The following DPCD variants were observed in gnomAD, a reference collection of about 807,000 sequenced individuals.
DPCD encodes protein DPCD.
In DPCD, 20 loss-of-function variants were observed where a neutral mutation model predicts 26.4. The observed-to-expected ratio is 0.76, with a 90% confidence interval of 0.53 to 1.10. The LOEUF (loss-of-function observed/expected upper bound fraction) is 1.10, where lower values mean the gene tolerates loss of function less well. DPCD is among the 50% of genes least tolerant of loss of function. The pLI, the probability that DPCD is intolerant of heterozygous loss-of-function variation, is 0.00. For missense variants in DPCD, 202 were observed against 253.9 expected (o/e 0.80, Z 1.39); for synonymous variants, 97 against 94.2 (o/e 1.03, Z -0.17).
chr10:101,593,335 C>T lies in DPCD; in HGVS notation c.65-1323C>T, dbSNP rs139586092. Among the ~76,000 whole-genome samples the T allele has an allele frequency of 3.4e-3, 516 of 152,248 alleles. 3 individuals carry two copies. The highest frequency in any genetic ancestry group is 9.2e-3 in the Admixed American group (140 of 15,290). ...TTTAGGGGTGAGTTTATGCAGAATA[C>T]AGATTAGGAATGGCTCAAGGGAACT... On this transcript the variant is annotated intron_variant, in intron 1 of 5. Transcript: ENST00000370151.
chr10:101,600,694 T>G lies in DPCD; in HGVS notation c.146-44T>G, dbSNP rs751048649. On this transcript the variant is annotated intron_variant, in intron 2 of 5. Coordinates refer to ENST00000370151, the MANE Select transcript of DPCD (RefSeq NM_015448.3). The surrounding 1 kb of genome is among the most constrained non-coding windows in gnomAD (Gnocchi z 4.7). ...AGCAGAGACCCTCTCTTCACTCTCA[T>G]CCTGATGCTTGCTTCTCATCCCGAT... 6.2e-6 allele frequency: 10 copies of G among 1,600,802 alleles called. No individual in the cohort carries two copies. Among genetic ancestry groups the G allele is most frequent in the Non-Finnish European group, 8.5e-6 (10 of 1,173,982 alleles).
intron 1 of DPCD, among the ~76,000 whole-genome samples, chr10:101,590,917 G>A (rs139427119): frequency 0.01 from 1,536 of 152,210 alleles, 16 homozygotes; most frequent in Non-Finnish European, 0.017. Flanking sequence ...TTAGTGTAAC[G>A]CTTCAAGGTT....
intron 1 of DPCD, among the ~76,000 whole-genome samples, chr10:101,592,866 T>C (rs1208658157): frequency 6.6e-6 from 1 of 151,322 alleles, no homozygotes; most frequent in Non-Finnish European, 1.5e-5. Context: ...ATACAAAAAT[T>C]AGCTGGGTGT....
chr10:101,601,296 C>A lies in DPCD; in HGVS notation c.364C>A (p.Gln122Lys), dbSNP rs1387806366. 2 of 1,613,724 alleles carry A rather than the reference C, an allele frequency of 1.2e-6. No homozygotes were observed. The highest frequency in any genetic ancestry group is 1.7e-6 in the Non-Finnish European group (2 of 1,179,880). ...GGATGTCTATAGTGTCTCTGTGGAC[C>A]AGAAGGAGCGCTGCATCATTGTCAG... ...PKDVYSVSVD[Q>K]KERCIIVRTT... is the part of the protein sequence containing the mutation. Residue 122 changes from glutamine (Q) to lysine (K), a missense_variant, in exon 4 of 6, where the codon CAG (glutamine) becomes AAG (lysine). Physicochemically the swap from Gln to Lys is moderately conservative, Grantham distance 53. Transcript: ENST00000370151.
chr10:101,592,619 T>C (rs2063618750), intron 1 of DPCD, among the ~76,000 whole-genome samples: 1 of 150,222 alleles, frequency 6.7e-6, no homozygotes, highest in African/African-American at 2.5e-5. Flanking sequence ...TACTCGGGAG[T>C]CTGAGGTGGA....
chr10:101,595,496 TCA>T (rs1210307017), intron 2 of DPCD, among the ~76,000 whole-genome samples: 1 of 152,220 alleles, frequency 6.6e-6, no homozygotes, highest in Non-Finnish European at 1.5e-5. Flanking sequence ...AATGATGGAA[TCA>T]CAGGCTGGTT....
rs753242714 is a variant in DPCD at position 101,603,756 on chromosome 10, C to CAAA, written c.404+2431_404+2433dup. ...TGGGTGACAGAGTGAGACTCCATCTCAAAAAAAAAAAAAGAGATGGAGTCT... is the reference window on the plus strand; with the variant it reads ...TGGGTGACAGAGTGAGACTCCATCTCAAAAAAAAAAAAAAAAGAGATGGAGTCT... On this transcript the variant is annotated intron_variant, in intron 4 of 5. Coordinates refer to ENST00000370151, the MANE Select transcript of DPCD (RefSeq NM_015448.3). The surrounding 1 kb of genome is among the most constrained non-coding windows in gnomAD (Gnocchi z 4.6). 2.3e-5 allele frequency among the ~76,000 whole-genome samples: 3 copies of CAAA among 131,864 alleles called. No homozygotes were observed. Among genetic ancestry groups the CAAA allele is most frequent in the African/African-American group, 8.4e-5 (3 of 35,874 alleles). The allele number at this position is 131,864 out of a possible 152,430, so 86.5% of individuals were successfully genotyped here. A position where few individuals can be genotyped will look rare whatever the true frequency, so the allele number is the denominator to read the frequency against.
chr10:101,591,278 A>ACT (rs1459403678), intron 1 of DPCD, among the ~76,000 whole-genome samples: 8 of 152,248 alleles, frequency 5.3e-5, no homozygotes, highest in Non-Finnish European at 1.0e-4. Context: ...GCTGCTCTGA[A>ACT]CATGAGTATA....
At chr10:101,601,009 A>AG in intron 3 of DPCD, 147 bp downstream of exon 3, 1 of 1,483,258 alleles carries the variant, frequency 6.7e-7, no homozygotes, top group Non-Finnish European at 9.1e-7. Context: ...TGTTTGTTTG[A>AG]ATGAATACAG....
At chr10:101,595,722 T>A (rs2063646840) in intron 2 of DPCD, among the ~76,000 whole-genome samples, 1 of 152,198 alleles carries the variant, frequency 6.6e-6, no homozygotes, top group Non-Finnish European at 1.5e-5. Flanking sequence ...GATCCCTCCT[T>A]ATTATGAGCT....
intron 1 of DPCD, 79 bp downstream of exon 1, chr10:101,588,479 G>T: frequency 6.5e-7 from 1 of 1,537,052 alleles, no homozygotes. Flanking sequence ...CAGGGCCTGG[G>T]TCGGCAGAGC....
chr10:101,598,610 T>G (rs1388021828), intron 2 of DPCD, among the ~76,000 whole-genome samples: 2 of 134,546 alleles, frequency 1.5e-5, no homozygotes, highest in African/African-American at 2.8e-5. Flanking sequence ...GTAGATGCTT[T>G]CTTTTTTTTT....
At chr10:101,605,618 T>C (rs2063728645) in intron 4 of DPCD, among the ~76,000 whole-genome samples, 1 of 152,158 alleles carries the variant, frequency 6.6e-6, no homozygotes, top group Non-Finnish European at 1.5e-5. Context: ...ACTTTTGACA[T>C]TCAGAAAGGA....
intron 2 of DPCD, among the ~76,000 whole-genome samples, chr10:101,598,823 C>T (rs2063672579): frequency 6.6e-6 from 1 of 152,046 alleles, no homozygotes; most frequent in African/African-American, 2.4e-5. Context: ...GGGGTTTCTC[C>T]ATGTTGGCCA....
Position 101,600,695 on chromosome 10 carries a change from C to A in DPCD, c.146-43C>A. 6.2e-7 allele frequency: 1 copy of A among 1,600,702 alleles called. No individual in the cohort carries two copies. Among genetic ancestry groups the A allele is most frequent in the African/African-American group, 1.3e-5 (1 of 74,258 alleles). ...GCAGAGACCCTCTCTTCACTCTCAT[C>A]CTGATGCTTGCTTCTCATCCCGATG... On this transcript the variant is annotated intron_variant, in intron 2 of 5. Coordinates refer to ENST00000370151, the MANE Select transcript of DPCD (RefSeq NM_015448.3). This position sits in a 1 kb window ranked among gnomAD's most constrained non-coding sequence, Gnocchi z 4.7.
In DPCD at chr10:101,601,068, T is replaced by C. The variant is rs2063693740; in HGVS notation, c.271-135T>C. 2.7e-6 allele frequency: 4 copies of C among 1,477,584 alleles called. No individual in the cohort carries two copies. In the South Asian group the frequency reaches 5.1e-5, roughly 19 times the overall value. 91.5% of individuals were successfully genotyped at this position (1,477,584 alleles called of 1,614,324 possible). A position where few individuals can be genotyped will look rare whatever the true frequency, so the allele number is the denominator to read the frequency against. On this transcript the variant is annotated intron_variant, in intron 3 of 5. Coordinates refer to ENST00000370151, the MANE Select transcript of DPCD (RefSeq NM_015448.3). Reference sequence around the variant, plus strand: ...GGCGGGGGCTCAGGGCCTGGAGTGCTGTAGCAATAGCAGCGTCAGAGGGGA... The same window carrying C: ...GGCGGGGGCTCAGGGCCTGGAGTGCCGTAGCAATAGCAGCGTCAGAGGGGA...
At chr10:101,594,818 C>A (rs2063638809) in intron 2 of DPCD, 80 bp downstream of exon 2, 1 of 1,360,548 alleles carries the variant, frequency 7.3e-7, no homozygotes, top group Non-Finnish European at 1.0e-6. Flanking sequence ...TAGCCTTAGG[C>A]TTGAGGTAGG....
intron 1 of DPCD, among the ~76,000 whole-genome samples, chr10:101,590,114 G>C (rs1203188354): frequency 1.3e-5 from 2 of 151,904 alleles, no homozygotes; most frequent in Non-Finnish European, 2.9e-5. Flanking sequence ...TGAAGAAGAG[G>C]GGATAGCTAT....
intron 1 of DPCD, among the ~76,000 whole-genome samples, chr10:101,593,557 A>G (rs572293616): frequency 6.6e-6 from 1 of 152,278 alleles, no homozygotes; most frequent in South Asian, 2.1e-4. Context: ...CTCCAGGGGT[A>G]GAGGAATTGG....
Sources: gnomAD v4.1 joint callset for allele counts (sites outside exome capture counted in the v4.1 genomes callset) on GRCh38, gnomAD v4.1.1 for gene constraint, Gnocchi (gnomAD v3.1) non-coding constraint, MANE v1.5 for transcripts, NCBI Gene and HGNC (gene_info 2026-07-23, HGNC 2026-07-21) for gene names.